COG7: variants seen among roughly 807,000 people sequenced by gnomAD.
The protein encoded by COG7 is conserved oligomeric Golgi complex subunit 7.
A neutral mutation model predicts 91.5 loss-of-function variants in COG7; 49 were observed. That is an observed-to-expected ratio of 0.54 (90% CI 0.43 to 0.68). The LOEUF (loss-of-function observed/expected upper bound fraction) is 0.68, where lower values mean the gene tolerates loss of function less well. COG7 is among the 30% of genes least tolerant of loss of function. The probability of loss-of-function intolerance (pLI) is 0.00; values close to 1 mark genes in which losing one functional copy is unlikely to be tolerated. For missense variants in COG7, 895 were observed against 961.3 expected (o/e 0.93, Z 0.91); for synonymous variants, 365 against 388.7 (o/e 0.94, Z 0.72).
chr16:23,422,412 A>C (rs1332096063), intron 7 of COG7, among the ~76,000 whole-genome samples: 1 of 150,992 alleles, frequency 6.6e-6, no homozygotes, highest in Non-Finnish European at 1.5e-5. Context: ...CATTTCAAAA[A>C]ATGAAAATAT....
intron 7 of COG7, among the ~76,000 whole-genome samples, chr16:23,421,004 C>T (rs1451997066): frequency 1.3e-5 from 2 of 149,760 alleles, no homozygotes; most frequent in African/African-American, 2.5e-5. Context: ...CTCACCTTGG[C>T]CTCCCAAAGT....
At chr16:23,433,432 G>T (rs1489498420) in intron 6 of COG7, 113 bp downstream of exon 6, 2 of 1,374,050 alleles carry the variant, frequency 1.5e-6, no homozygotes, top group South Asian at 1.2e-5. Flanking sequence ...AGCAACAAAC[G>T]GGGAAGTTCT....
At chr16:23,404,075 T>G (rs1963421079) in intron 12 of COG7, among the ~76,000 whole-genome samples, 1 of 152,206 alleles carries the variant, frequency 6.6e-6, no homozygotes, top group Admixed American at 6.5e-5. Context: ...GATTTTAAAT[T>G]CACTTTCCCA....
intron 7 of COG7, among the ~76,000 whole-genome samples, chr16:23,419,124 G>T (rs1963707549): frequency 6.6e-6 from 1 of 152,136 alleles, no homozygotes; most frequent in African/African-American, 2.4e-5. Flanking sequence ...AACCCTCATT[G>T]GCCGGGCGTG....
chr16:23,405,594 G>A (rs113132766), intron 12 of COG7, among the ~76,000 whole-genome samples: 3,109 of 146,828 alleles, frequency 0.021, 59 homozygotes, highest in African/African-American at 0.052. Flanking sequence ...TTAGCTCACT[G>A]TAACCGGTGC....
At chr16:23,447,692 G>C (rs1433641822) in intron 1 of COG7, among the ~76,000 whole-genome samples, 2 of 151,902 alleles carry the variant, frequency 1.3e-5, no homozygotes, top group East Asian at 1.9e-4. Context: ...ACGAGGTCAA[G>C]AGATCAAGAC....
intron 1 of COG7, 176 bp downstream of exon 1, chr16:23,452,650 C>G: frequency 7.1e-7 from 1 of 1,409,732 alleles, no homozygotes; most frequent in Non-Finnish European, 9.3e-7. Flanking sequence ...CAAGACAGCC[C>G]GGCACCCAGC....
chr16:23,399,754 C>A (rs1283885295), intron 13 of COG7, among the ~76,000 whole-genome samples: 1 of 152,072 alleles, frequency 6.6e-6, no homozygotes, highest in African/African-American at 2.4e-5. Flanking sequence ...AAACACCAGG[C>A]TAAGTAAAGC....
chr16:23,425,262 A>T (rs1963828219), intron 6 of COG7, among the ~76,000 whole-genome samples: 1 of 152,166 alleles, frequency 6.6e-6, no homozygotes, highest in African/African-American at 2.4e-5. Context: ...GTGAGCCAAG[A>T]CTGTGCCACT....
At chr16:23,432,365 C>T (rs1963947997) in intron 6 of COG7, among the ~76,000 whole-genome samples, 1 of 152,084 alleles carries the variant, frequency 6.6e-6, no homozygotes, top group Admixed American at 6.6e-5. Context: ...GGGAACGTGA[C>T]ACTAAACCAC....
At chr16:23,405,653 AC>A (rs560832916) in intron 12 of COG7, among the ~76,000 whole-genome samples, 119 of 151,538 alleles carry the variant, frequency 7.9e-4, no homozygotes, top group African/African-American at 2.8e-3. Context: ...AGTAGCTGGG[AC>A]TACAGGTGCG....
rs889310170 is a variant in COG7 at position 23,433,537 on chromosome 16, G to A, written c.810+8C>T. ...TCTGTTCTCCCTAGAACAAAAATGAGCTGTTACCTGTGTAGCCCACTGGAT... is the reference window on the plus strand; with the variant it reads ...TCTGTTCTCCCTAGAACAAAAATGAACTGTTACCTGTGTAGCCCACTGGAT... On this transcript the variant is annotated splice_region_variant and intron_variant, in intron 6 of 16. Transcript: ENST00000307149. The A allele has an allele frequency of 5.6e-6, 9 of 1,613,990 alleles. No homozygotes were observed. Among genetic ancestry groups the A allele is most frequent in the Non-Finnish European group, 7.6e-6 (9 of 1,179,952 alleles).
chr16:23,403,053 C>T (rs920994638), intron 13 of COG7, among the ~76,000 whole-genome samples: 5 of 152,224 alleles, frequency 3.3e-5, no homozygotes, highest in Non-Finnish European at 7.3e-5. Context: ...GGGGCTGTCC[C>T]GCCCAGTAAT....
intron 3 of COG7, 32 bp downstream of exon 3, chr16:23,445,016 C>G (rs772652034): frequency 1.4e-5 from 21 of 1,497,104 alleles, no homozygotes; most frequent in African/African-American, 2.8e-5. Context: ...GCTTAAATAC[C>G]TTTCATAACA....
At chr16:23,405,548 GCT>G (rs1365752669) in intron 12 of COG7, among the ~76,000 whole-genome samples, 1 of 141,762 alleles carries the variant, frequency 7.1e-6, no homozygotes, top group Middle Eastern at 3.4e-3. Context: ...ATGGAGTCTC[GCT>G]CTGTCACCCA....
chr16:23,411,614 T>C (rs1444553288), intron 10 of COG7, among the ~76,000 whole-genome samples: 1 of 152,132 alleles, frequency 6.6e-6, no homozygotes, highest in South Asian at 2.1e-4. Flanking sequence ...CCATAGAACA[T>C]TAAATTTCAT....
rs1009617021 is a variant in COG7, at chr16:23,452,679, G to A, written c.169+147C>T. 6 of 1,449,098 alleles carry A rather than the reference G, an allele frequency of 4.1e-6. No individual in the cohort carries two copies. The African/African-American group carries it at 7.1e-5, about 17-fold the overall frequency. The allele number at this position is 1,449,098 out of a possible 1,614,324, so 89.8% of individuals were successfully genotyped here. Reference sequence around the variant, plus strand: ...ACCCAGCTGAGACTCCCGCTGACGTGATCAGGAGTTCGGGGCTTGCTCTTT... The same window carrying A: ...ACCCAGCTGAGACTCCCGCTGACGTAATCAGGAGTTCGGGGCTTGCTCTTT... On this transcript the variant is annotated intron_variant, in intron 1 of 16. Transcript: ENST00000307149.
chr16:23,396,266 C>T (rs1382871630), intron 14 of COG7, among the ~76,000 whole-genome samples: 1 of 152,212 alleles, frequency 6.6e-6, no homozygotes, highest in South Asian at 2.1e-4. Flanking sequence ...AGCCCTCATT[C>T]CCTCTCTAGA....
intron 4 of COG7, among the ~76,000 whole-genome samples, chr16:23,439,029 G>A (rs369925544): frequency 2.6e-5 from 4 of 151,442 alleles, no homozygotes; most frequent in Middle Eastern, 3.4e-3. Flanking sequence ...GTGGTGGTGC[G>A]CACCTTTAAT....
Sources: allele counts gnomAD v4.1 joint callset (sites outside exome capture counted in the v4.1 genomes callset), GRCh38; gene constraint gnomAD v4.1.1; transcripts MANE v1.5; gene names NCBI Gene and HGNC (gene_info 2026-07-23, HGNC 2026-07-21).